The following SLC13A3 variants were observed in gnomAD, a reference collection of about 807,000 sequenced individuals.
The protein encoded by SLC13A3 is solute carrier family 13 member 3.
Under a neutral mutation model 59.0 loss-of-function variants are expected in SLC13A3, and 40 were observed. The ratio of observed to expected loss-of-function variants is 0.68; its 90% CI spans 0.53 to 0.88. The LOEUF is 0.88. SLC13A3 is among the 40% of genes least tolerant of loss of function. SLC13A3 has a pLI of 0.00. For synonymous variants in SLC13A3, 317 were observed against 330.3 expected (o/e 0.96, Z 0.44); for missense variants, 699 against 783.2 (o/e 0.89, Z 1.28).
intron 1 of SLC13A3, among the ~76,000 whole-genome samples, chr20:46,626,127 C>G (rs1476647653): frequency 6.7e-6 from 1 of 148,418 alleles, no homozygotes; most frequent in African/African-American, 2.6e-5. Flanking sequence ...CTCTCTGTCT[C>G]TCTCTCTCTC....
intron 9 of SLC13A3, chr20:46,583,164 T>C: frequency 1.4e-6 from 1 of 739,002 alleles, no homozygotes; most frequent in Non-Finnish European, 1.7e-6. Flanking sequence ...TGTAGGTACT[T>C]ATATAACTAA....
At chr20:46,626,791 G>A (rs2062678156) in intron 1 of SLC13A3, among the ~76,000 whole-genome samples, 1 of 134,846 alleles carries the variant, frequency 7.4e-6, no homozygotes, top group South Asian at 2.2e-4. Flanking sequence ...ACTGAGGCCT[G>A]TAAAATGCTA....
intron 1 of SLC13A3, among the ~76,000 whole-genome samples, chr20:46,629,812 T>C (rs552409161): frequency 6.6e-6 from 1 of 152,360 alleles, no homozygotes; most frequent in East Asian, 1.9e-4. Context: ...GCAGGCAATT[T>C]TTAAAATACA....
At chr20:46,674,501 C>G (rs1161872915), upstream of SLC13A3, among the ~76,000 whole-genome samples, 1 of 152,076 alleles carries the variant, frequency 6.6e-6, no homozygotes, top group African/African-American at 2.4e-5. Context: ...CAGCAGACCC[C>G]CAGTGTTCTG....
intron 9 of SLC13A3, among the ~76,000 whole-genome samples, chr20:46,577,172 G>A (rs1345629299): frequency 2.0e-5 from 3 of 151,820 alleles, no homozygotes; most frequent in Admixed American, 6.6e-5. Context: ...GTCTACAGAC[G>A]TATGAAGCCC....
At chr20:46,609,334 T>C (rs763699840) in intron 3 of SLC13A3, among the ~76,000 whole-genome samples, 2 of 152,218 alleles carry the variant, frequency 1.3e-5, no homozygotes, top group Non-Finnish European at 2.9e-5. Context: ...GGAGACTGTA[T>C]GTAGTCACCT....
At chr20:46,626,045 T>C (rs549382529) in intron 1 of SLC13A3, among the ~76,000 whole-genome samples, 164 of 152,162 alleles carry the variant, frequency 1.1e-3, no homozygotes, top group Middle Eastern at 6.8e-3. Flanking sequence ...ATGATATAAA[T>C]GGTAGGAAAG....
chr20:46,563,664 G>C, intron 11 of SLC13A3, 113 bp from the exon 12 acceptor site: 1 of 1,151,544 alleles, frequency 8.7e-7, no homozygotes, highest in Non-Finnish European at 1.2e-6. Flanking sequence ...AAGACGTAGA[G>C]ACAGAGAGAC....
chr20:46,675,349 C>T (rs1431839838), intron 1 of SLC13A3, among the ~76,000 whole-genome samples: 1 of 151,762 alleles, frequency 6.6e-6, no homozygotes, highest in African/African-American at 2.4e-5. Context: ...CCTGCCTCAG[C>T]CTCCCAAGTA....
intron 10 of SLC13A3, among the ~76,000 whole-genome samples, chr20:46,573,840 G>A (rs565712551): frequency 3.0e-4 from 45 of 152,314 alleles, no homozygotes; most frequent in African/African-American, 9.9e-4. Flanking sequence ...GTTAACAGGC[G>A]TCCAACATTG....
In SLC13A3 at chr20:46,579,701, T is replaced by A. The variant is rs530809895; in HGVS notation, c.1219+3871A>T. ...CCATGGACCAGACTTAACACACATGTTTTAGTGCTACTGTTGTTGGCCCAC... is the reference window on the plus strand; with the variant it reads ...CCATGGACCAGACTTAACACACATGATTTAGTGCTACTGTTGTTGGCCCAC... On this transcript the variant is annotated intron_variant, in intron 9 of 12. Transcript: ENST00000279027. 7.9e-5 allele frequency among the ~76,000 whole-genome samples: 12 copies of A among 152,314 alleles called. No homozygotes were observed. In the South Asian group the frequency reaches 2.5e-3, roughly 32 times the overall value.
chr20:46,674,602 C>CGTGTGGGTGT (rs142752461), upstream of SLC13A3, among the ~76,000 whole-genome samples: 1 of 114,414 alleles, frequency 8.7e-6, no homozygotes, highest in Non-Finnish European at 1.8e-5. Flanking sequence ...CGCGCGCGCG[C>CGTGTGGGTGT]GCGTGTGTGT....
At chr20:46,671,227 G>T (rs546498220), upstream of SLC13A3, among the ~76,000 whole-genome samples, 5 of 152,240 alleles carry the variant, frequency 3.3e-5, no homozygotes, top group South Asian at 6.2e-4. Context: ...TGACTGAAGC[G>T]GGAATACAAG....
intron 4 of SLC13A3, 132 bp from the exon 5 acceptor site, chr20:46,596,474 G>A (rs1237204964): frequency 4.2e-6 from 3 of 719,408 alleles, no homozygotes; most frequent in Non-Finnish European, 4.7e-6. Flanking sequence ...GTAACAAGGT[G>A]CAACTCTTCA....
At chr20:46,596,508 T>C (rs61439552) in intron 4 of SLC13A3, among the ~76,000 whole-genome samples, 166 bp from the exon 5 acceptor site, 2,685 of 152,258 alleles carry the variant, frequency 0.018, 100 homozygotes, top group African/African-American at 0.061. Flanking sequence ...ACTCTAAGAA[T>C]GTATCCTAAA....
intron 1 of SLC13A3, among the ~76,000 whole-genome samples, chr20:46,644,478 A>T (rs975895303): frequency 6.6e-6 from 1 of 152,198 alleles, no homozygotes; most frequent in African/African-American, 2.4e-5. Flanking sequence ...CAACCAGAAA[A>T]GCATGTGTAA....
At chr20:46,657,747 G>C (rs971880687) in intron 1 of SLC13A3, among the ~76,000 whole-genome samples, 2 of 152,182 alleles carry the variant, frequency 1.3e-5, no homozygotes, top group Non-Finnish European at 2.9e-5. Context: ...CTCAGCTTCT[G>C]GGGAGGCCTT....
intron 6 of SLC13A3, among the ~76,000 whole-genome samples, chr20:46,589,600 T>G (rs2062232675): frequency 6.6e-6 from 1 of 152,204 alleles, no homozygotes; most frequent in Non-Finnish European, 1.5e-5. Context: ...ATAAAATTGC[T>G]ATCTCAGATT....
At chr20:46,622,387 AG>A (rs1481263636) in intron 1 of SLC13A3, among the ~76,000 whole-genome samples, 1 of 152,204 alleles carries the variant, frequency 6.6e-6, no homozygotes, top group Non-Finnish European at 1.5e-5. Flanking sequence ...CTTAACTCAG[AG>A]GACAAAGAAA....
Sources: gnomAD v4.1 joint callset for allele counts (sites outside exome capture counted in the v4.1 genomes callset) on GRCh38, gnomAD v4.1.1 for gene constraint, MANE v1.5 for transcripts, NCBI Gene and HGNC (gene_info 2026-07-23, HGNC 2026-07-21) for gene names.